The following ZNF277 variants were observed in gnomAD, a reference collection of about 807,000 sequenced individuals.
ZNF277 encodes nuclear receptor-interacting factor 4.
Under a neutral mutation model 60.7 loss-of-function variants are expected in ZNF277, and 55 were observed. The observed-to-expected ratio is 0.91, with a 90% confidence interval of 0.73 to 1.13. The LOEUF is 1.13. Among genes scored for constraint, ZNF277 ranks in the 50% most tolerant of loss-of-function variants. The pLI is 0.00. For missense variants in ZNF277, 510 were observed against 523.0 expected (o/e 0.98, Z 0.24); for synonymous variants, 178 against 179.3 (o/e 0.99, Z 0.06).
At chr7:112,280,931 A>G (rs985258855) in intron 1 of ZNF277, among the ~76,000 whole-genome samples, 7 of 152,000 alleles carry the variant, frequency 4.6e-5, no homozygotes, top group Non-Finnish European at 8.8e-5. Context: ...CCCAGCCCCT[A>G]TTGTCTTTTA....
chr7:112,261,236 AG>A (rs1023611570), intron 1 of ZNF277, among the ~76,000 whole-genome samples: 36 of 152,222 alleles, frequency 2.4e-4, no homozygotes, highest in African/African-American at 8.7e-4. Context: ...AGCTTCAACC[AG>A]GTGCATAAGT....
chr7:112,231,359 A>C (rs1267016710), intron 1 of ZNF277, among the ~76,000 whole-genome samples: 1 of 152,172 alleles, frequency 6.6e-6, no homozygotes, highest in African/African-American at 2.4e-5. Context: ...TGTCACTATA[A>C]TTTTTCTCTT....
At chr7:112,309,402 A>G (rs981833969) in intron 4 of ZNF277, among the ~76,000 whole-genome samples, 1 of 151,830 alleles carries the variant, frequency 6.6e-6, no homozygotes, top group Admixed American at 6.6e-5. Context: ...TATATAGAAA[A>G]ATTTCATAAT....
chr7:112,238,942 T>G (rs1478843279), intron 1 of ZNF277, among the ~76,000 whole-genome samples: 1 of 152,056 alleles, frequency 6.6e-6, no homozygotes, highest in Non-Finnish European at 1.5e-5. Flanking sequence ...AGACACATCC[T>G]GGACCAGAAG....
chr7:112,313,978 T>C (rs1215732966), intron 4 of ZNF277, among the ~76,000 whole-genome samples: 1 of 152,150 alleles, frequency 6.6e-6, no homozygotes, highest in Non-Finnish European at 1.5e-5. Context: ...GCATGTGGCA[T>C]AGAGGAACTC....
chr7:112,274,445 C>A (rs1410893280), intron 1 of ZNF277, among the ~76,000 whole-genome samples: 1 of 152,194 alleles, frequency 6.6e-6, no homozygotes, highest in African/African-American at 2.4e-5. Context: ...GCATGAGCCA[C>A]AGCACCCTGC....
chr7:112,207,694 CTT>C (rs1414914655), intron 1 of ZNF277, among the ~76,000 whole-genome samples: 4 of 151,140 alleles, frequency 2.6e-5, no homozygotes, highest in African/African-American at 9.7e-5. Flanking sequence ...CACAAGTTGT[CTT>C]TTTCTGATGA....
chr7:112,226,546 C>A (rs769556722), intron 1 of ZNF277, among the ~76,000 whole-genome samples: 1 of 152,102 alleles, frequency 6.6e-6, no homozygotes, highest in African/African-American at 2.4e-5. Flanking sequence ...GAATATTGAA[C>A]AACAACAAAA....
At chr7:112,313,786 C>T (rs73717527) in intron 4 of ZNF277, among the ~76,000 whole-genome samples, 2,263 of 152,208 alleles carry the variant, frequency 0.015, 34 homozygotes, top group Middle Eastern at 0.031. Context: ...ATATAAACTA[C>T]ATAATAAGTG....
At chr7:112,288,684 C>T (rs1416644428) in intron 2 of ZNF277, 2 of 158,156 alleles carry the variant, frequency 1.3e-5, no homozygotes, top group Non-Finnish European at 1.5e-5. Flanking sequence ...GTTGATTCGG[C>T]TGATCTGGCT....
At chr7:112,320,909 G>GTTTC (rs1454276354) in intron 5 of ZNF277, among the ~76,000 whole-genome samples, 19 of 119,106 alleles carry the variant, frequency 1.6e-4, no homozygotes, top group African/African-American at 4.5e-4. Context: ...TAGTTCCCTT[G>GTTTC]TTTCTTTCTT....
chr7:112,247,859 T>C (rs1467067309), intron 1 of ZNF277, among the ~76,000 whole-genome samples: 2 of 151,756 alleles, frequency 1.3e-5, no homozygotes, highest in African/African-American at 4.8e-5. Flanking sequence ...TCTCAGCTAC[T>C]TGGGGGGCTG....
At chr7:112,303,382 C>T (rs918438191) in intron 4 of ZNF277, among the ~76,000 whole-genome samples, 10 of 151,968 alleles carry the variant, frequency 6.6e-5, no homozygotes, top group South Asian at 4.1e-4. Context: ...AATCTGATTT[C>T]CTATTATCTT....
At chr7:112,287,137 A>G (rs1012714581) in intron 2 of ZNF277, 63 bp downstream of exon 2, 3 of 1,568,578 alleles carry the variant, frequency 1.9e-6, no homozygotes, top group Admixed American at 3.4e-5. Flanking sequence ...TCATGTCTGT[A>G]ATCCTAGTAC....
intron 9 of ZNF277, among the ~76,000 whole-genome samples, chr7:112,339,376 T>C (rs908435224): frequency 2.6e-5 from 4 of 152,230 alleles, no homozygotes; most frequent in African/African-American, 4.8e-5. Context: ...TGGAGTGCAG[T>C]GTCACGATCT....
chr7:112,229,388 G>A (rs1281296805), intron 1 of ZNF277, among the ~76,000 whole-genome samples: 2 of 152,190 alleles, frequency 1.3e-5, no homozygotes, highest in South Asian at 2.1e-4. Context: ...GGACATTTCA[G>A]AAACTCTTCT....
chr7:112,250,765 A>G (rs1216543874), intron 1 of ZNF277, among the ~76,000 whole-genome samples: 1 of 152,122 alleles, frequency 6.6e-6, no homozygotes, highest in South Asian at 2.1e-4. Flanking sequence ...GAACAAAGAG[A>G]TAGAAAAGCT....
At chr7:112,308,264 C>T (rs1460628884) in intron 4 of ZNF277, among the ~76,000 whole-genome samples, 1 of 151,798 alleles carries the variant, frequency 6.6e-6, no homozygotes, top group East Asian at 1.9e-4. Context: ...TCCTGTAATC[C>T]CAGCACTTTG....
chr7:112,311,625 A>G (rs529975815), intron 4 of ZNF277, among the ~76,000 whole-genome samples: 45 of 151,792 alleles, frequency 3.0e-4, no homozygotes, highest in Non-Finnish European at 7.4e-5. Context: ...GTGTCTCCTA[A>G]TTTTTTTTAT....
Sources: allele counts gnomAD v4.1 joint callset (sites outside exome capture counted in the v4.1 genomes callset), GRCh38; gene constraint gnomAD v4.1.1; transcripts MANE v1.5; gene names NCBI Gene and HGNC (gene_info 2026-07-23, HGNC 2026-07-21).